FYB1: variants seen among roughly 807,000 people sequenced by gnomAD.
FYB1 encodes the protein FYN binding protein 1, also known as FYN-binding protein 1.
A neutral mutation model predicts 94.1 loss-of-function variants in FYB1; 41 were observed. That is an observed-to-expected ratio of 0.44 (90% confidence interval 0.34 to 0.57). The LOEUF is 0.57. Among genes scored for constraint, FYB1 ranks in the 20% least tolerant of loss-of-function variants. The pLI, the probability that FYB1 is intolerant of heterozygous loss-of-function variation, is 0.02. For missense variants in FYB1, 1,050 were observed against 976.8 expected, an observed-to-expected ratio of 1.07 and a Z score of -1.00; for synonymous variants, 367 against 353.2, an observed-to-expected ratio of 1.04 and a Z score of -0.44.
chr5:39,265,324 TA>T (rs879504296), intron 1 of FYB1, among the ~76,000 whole-genome samples: 14 of 148,194 alleles, frequency 9.4e-5, no homozygotes, highest in Admixed American at 2.0e-4. Context: ...TACTAAAAAA[TA>T]AAAAAAAAAT....
chr5:39,168,886 T>C (rs1364656127), intron 2 of FYB1, among the ~76,000 whole-genome samples: 1 of 152,144 alleles, frequency 6.6e-6, no homozygotes, highest in Non-Finnish European at 1.5e-5. Flanking sequence ...TTGTAACCCA[T>C]TATCAATGTC....
At chr5:39,267,306 CA>C (rs1752475419) in intron 1 of FYB1, among the ~76,000 whole-genome samples, 1 of 152,218 alleles carries the variant, frequency 6.6e-6, no homozygotes, top group East Asian at 1.9e-4. Context: ...TGTATTATCA[CA>C]GGGGCTTTAT....
At chr5:39,190,676 C>A (rs12653561) in intron 2 of FYB1, among the ~76,000 whole-genome samples, 4,879 of 152,114 alleles carry the variant, frequency 0.032, 159 homozygotes, top group East Asian at 0.16. Context: ...AAAGAAACAG[C>A]GATTACTGAA....
intron 1 of FYB1, among the ~76,000 whole-genome samples, chr5:39,248,696 G>A (rs2150605040): frequency 6.6e-6 from 1 of 152,216 alleles, no homozygotes; most frequent in South Asian, 2.1e-4. Context: ...AATTAGCTGG[G>A]CATGATGGTG....
At chr5:39,221,264 T>C (rs62358753), upstream of FYB1, among the ~76,000 whole-genome samples, 99,927 of 152,018 alleles carry the variant, frequency 0.66, 37,011 homozygotes, top group Non-Finnish European at 0.83. Flanking sequence ...CAGTGATGAC[T>C]AAGGTAATAC....
At chr5:39,193,569 A>G (rs1416827597) in intron 2 of FYB1, among the ~76,000 whole-genome samples, 1 of 152,210 alleles carries the variant, frequency 6.6e-6, no homozygotes, top group Admixed American at 6.5e-5. Flanking sequence ...TCCAGAAGCA[A>G]TACTGGGGGA....
intron 17 of FYB1, among the ~76,000 whole-genome samples, chr5:39,109,403 A>G (rs764889437): frequency 6.6e-6 from 1 of 152,096 alleles, no homozygotes; most frequent in Non-Finnish European, 1.5e-5. Flanking sequence ...AGCCTGTAAT[A>G]ATCACTGATG....
At chr5:39,196,553 C>A (rs1464665502) in intron 2 of FYB1, among the ~76,000 whole-genome samples, 1 of 152,144 alleles carries the variant, frequency 6.6e-6, no homozygotes, top group Non-Finnish European at 1.5e-5. Context: ...ATTTATATTA[C>A]TTTTGTACTC....
chr5:39,258,249 C>T (rs1752050462), intron 1 of FYB1, among the ~76,000 whole-genome samples: 1 of 152,094 alleles, frequency 6.6e-6, no homozygotes, highest in Admixed American at 6.6e-5. Flanking sequence ...ATTTCCTCTC[C>T]TTTGTTGATT....
rs149022293 is a variant in FYB1, at chr5:39,150,052, A to G, written c.1292+3396T>C. Among the ~76,000 whole-genome samples the G allele has an allele frequency of 4.6e-5, 7 of 152,292 alleles. No individual in the cohort carries two copies. In the East Asian group the frequency reaches 1.2e-3, roughly 25 times the overall value. On this transcript the variant is annotated intron_variant, in intron 3 of 18. Coordinates refer to ENST00000512982, the MANE Select transcript of FYB1 (RefSeq NM_001465.6). Reference sequence around the variant, plus strand: ...CAGATCTTCCTCACCTTTGTTAAACAAAACTTGTTCACCTTTGTTAAACAA... The same window carrying G: ...CAGATCTTCCTCACCTTTGTTAAACGAAACTTGTTCACCTTTGTTAAACAA...
chr5:39,219,097 T>TAA (rs1167898438), intron 1 of FYB1, among the ~76,000 whole-genome samples: 1 of 152,240 alleles, frequency 6.6e-6, no homozygotes, highest in African/African-American at 2.4e-5. Flanking sequence ...CCAGCTCTGT[T>TAA]GGCAATAAAA....
At chr5:39,111,473 G>T (rs563482909) in intron 16 of FYB1, among the ~76,000 whole-genome samples, 265 of 151,716 alleles carry the variant, frequency 1.7e-3, no homozygotes, top group African/African-American at 5.9e-3. Flanking sequence ...TATTGCCAAT[G>T]ATTAAACATG....
intron 9 of FYB1, among the ~76,000 whole-genome samples, chr5:39,133,785 T>C (rs1194991937): frequency 3.3e-5 from 5 of 152,154 alleles, no homozygotes; most frequent in Admixed American, 2.0e-4. Flanking sequence ...GCCATAAAAA[T>C]CATTTTTTGT....
intron 1 of FYB1, among the ~76,000 whole-genome samples, chr5:39,230,270 C>CAGAGTGAT (rs1437708895): frequency 6.6e-6 from 1 of 152,156 alleles, no homozygotes; most frequent in African/African-American, 2.4e-5. Context: ...AGGCCAGTGT[C>CAGAGTGAT]AGAGTGATGC....
intron 5 of FYB1, 92 bp from the exon 6 acceptor site, chr5:39,138,783 A>G: frequency 1.3e-6 from 1 of 781,886 alleles, no homozygotes; most frequent in Non-Finnish European, 2.2e-6. Context: ...GAAGGCAACA[A>G]TGTAAATTTT....
At chr5:39,265,483 C>CA (rs34295541) in intron 1 of FYB1, among the ~76,000 whole-genome samples, 1,589 of 114,128 alleles carry the variant, frequency 0.014, 34 homozygotes, top group African/African-American at 0.053. Context: ...GACTCTGTCT[C>CA]AAAAAAAAAA....
chr5:39,235,412 T>C (rs1028555951), intron 1 of FYB1, among the ~76,000 whole-genome samples: 2 of 152,086 alleles, frequency 1.3e-5, no homozygotes, highest in African/African-American at 4.8e-5. Context: ...TTGGCTGATT[T>C]GATGCAGATG....
chr5:39,108,776 T>A (rs555113060), intron 17 of FYB1, among the ~76,000 whole-genome samples: 297 of 152,192 alleles, frequency 2.0e-3, no homozygotes, highest in African/African-American at 6.9e-3. Context: ...AGCCAAGATA[T>A]GATTATTATG....
chr5:39,181,285 C>G (rs10078717), intron 2 of FYB1, among the ~76,000 whole-genome samples: 1 of 152,058 alleles, frequency 6.6e-6, no homozygotes, highest in Non-Finnish European at 1.5e-5. Flanking sequence ...GCTTATATAG[C>G]GTATATAGTA....
Sources: allele counts gnomAD v4.1 joint callset (sites outside exome capture counted in the v4.1 genomes callset), GRCh38; gene constraint gnomAD v4.1.1; transcripts MANE v1.5; gene names NCBI Gene and HGNC (gene_info 2026-07-23, HGNC 2026-07-21).